The following SLC22A24 variants were observed in gnomAD, a reference collection of about 807,000 sequenced individuals.
SLC22A24 encodes the protein solute carrier family 22 member 24, also known as steroid transmembrane transporter SLC22A24.
Under a neutral mutation model 49.8 loss-of-function variants are expected in SLC22A24, and 53 were observed. The ratio of observed to expected loss-of-function variants is 1.06; its 90% confidence interval spans 0.85 to 1.34. The LOEUF is 1.34. Ranked by LOEUF, SLC22A24 falls within the 40% of genes most tolerant of loss-of-function variation. The probability of loss-of-function intolerance (pLI) is 0.00; values close to 1 mark genes in which losing one functional copy is unlikely to be tolerated. For synonymous variants in SLC22A24, 302 were observed against 256.4 expected (o/e 1.18, Z -1.70); for missense variants, 786 against 675.9 (o/e 1.16, Z -1.81).
intron 2 of SLC22A24, among the ~76,000 whole-genome samples, chr11:63,129,699 T>G (rs2087319659): frequency 6.6e-6 from 1 of 152,202 alleles, no homozygotes; most frequent in African/African-American, 2.4e-5. Context: ...TCACATCCCT[T>G]GTAAGTTGGA....
At chr11:63,095,941 G>C in intron 6 of SLC22A24, 50 bp downstream of exon 6, 7 of 1,289,192 alleles carry the variant, frequency 5.4e-6, no homozygotes, top group Non-Finnish European at 7.7e-6. Flanking sequence ...AGAAGAAACA[G>C]TTTTGTGTCT....
At chr11:63,118,792 C>T in intron 4 of SLC22A24, 120 bp downstream of exon 4, 2 of 1,016,610 alleles carry the variant, frequency 2.0e-6, no homozygotes, top group Non-Finnish European at 3.0e-6. Flanking sequence ...ACAATAGGTA[C>T]TATGGACATC....
At chr11:63,080,541 T>A (rs2086953255) in intron 9 of SLC22A24, among the ~76,000 whole-genome samples, 1 of 152,218 alleles carries the variant, frequency 6.6e-6, no homozygotes. Context: ...AGGCACTCAT[T>A]GAGCCAATGT....
intron 2 of SLC22A24, among the ~76,000 whole-genome samples, chr11:63,124,010 T>C (rs1046619791): frequency 3.3e-5 from 5 of 151,544 alleles, no homozygotes; most frequent in African/African-American, 1.2e-4. Flanking sequence ...CAGATAGGAG[T>C]CAAGGAAGAG....
At chr11:63,113,422 T>C (rs923955248) in intron 4 of SLC22A24, among the ~76,000 whole-genome samples, 19 of 151,806 alleles carry the variant, frequency 1.3e-4, no homozygotes, top group Non-Finnish European at 1.5e-5. Flanking sequence ...TAGTGCTTCC[T>C]TCAGGAGTTC....
rs548879501 is a variant in SLC22A24, at chr11:63,095,698, T to A, written c.1070+293A>T. 2.6e-5 allele frequency among the ~76,000 whole-genome samples: 4 copies of A among 152,188 alleles called. No individual in the cohort carries two copies. The East Asian group carries it at 5.8e-4, about 22-fold the overall frequency. ...CTTTAGTGAATAAAAAATTAGAAAA[T>A]CAAAAAATTAAACTATGTTTTATGG... On this transcript the variant is annotated intron_variant, in intron 6 of 9. Transcript: ENST00000612278.
intron 6 of SLC22A24, among the ~76,000 whole-genome samples, chr11:63,083,867 T>G (rs766519049): frequency 7.2e-5 from 11 of 152,202 alleles, no homozygotes; most frequent in Non-Finnish European, 8.8e-5. Context: ...ATTAGGGGAA[T>G]AGTTTCTTTG....
intron 4 of SLC22A24, chr11:63,116,328 G>T (rs2087212994): frequency 4.6e-6 from 1 of 216,398 alleles, no homozygotes; most frequent in South Asian, 1.3e-4. Flanking sequence ...ATGGTTCTTG[G>T]ACTTGGTTAT....
chr11:63,136,394 T>C (rs2087374883), intron 1 of SLC22A24, among the ~76,000 whole-genome samples: 1 of 152,184 alleles, frequency 6.6e-6, no homozygotes, highest in South Asian at 2.1e-4. Flanking sequence ...CAACTGGCAC[T>C]GGTCAATAAA....
At chr11:63,121,981 A>G (rs1355762956) in intron 2 of SLC22A24, among the ~76,000 whole-genome samples, 1 of 152,206 alleles carries the variant, frequency 6.6e-6, no homozygotes, top group Non-Finnish European at 1.5e-5. Flanking sequence ...AATAGAAACA[A>G]ATGGGGTAGA....
intron 1 of SLC22A24, among the ~76,000 whole-genome samples, chr11:63,135,474 C>T (rs896496059): frequency 1.1e-4 from 16 of 152,146 alleles, no homozygotes; most frequent in African/African-American, 3.9e-4. Flanking sequence ...GATTAAATGA[C>T]ATAGTAACAG....
intron 4 of SLC22A24, among the ~76,000 whole-genome samples, chr11:63,112,643 T>A (rs1210910195): frequency 6.6e-6 from 1 of 152,148 alleles, no homozygotes; most frequent in Non-Finnish European, 1.5e-5. Context: ...AGTTATTTCT[T>A]GCCTTCTGCT....
At chr11:63,126,400 A>G (rs895983217) in intron 2 of SLC22A24, among the ~76,000 whole-genome samples, 2 of 152,170 alleles carry the variant, frequency 1.3e-5, no homozygotes, top group African/African-American at 4.8e-5. Context: ...TCCCAATACC[A>G]TTCATTAAAT....
chr11:63,125,239 T>C (rs1162800003), intron 2 of SLC22A24, among the ~76,000 whole-genome samples: 1 of 152,158 alleles, frequency 6.6e-6, no homozygotes, highest in Non-Finnish European at 1.5e-5. Context: ...ACAAGTGCCA[T>C]GGTGGTTTGC....
intron 2 of SLC22A24, among the ~76,000 whole-genome samples, chr11:63,128,668 C>T (rs1253326433): frequency 6.6e-6 from 1 of 150,394 alleles, no homozygotes; most frequent in Non-Finnish European, 1.5e-5. Context: ...ACTGTCTCCT[C>T]TCTCTCTCTC....
chr11:63,131,510 A>G (rs1350394087), intron 2 of SLC22A24, among the ~76,000 whole-genome samples: 1 of 152,160 alleles, frequency 6.6e-6, no homozygotes, highest in Admixed American at 6.5e-5. Flanking sequence ...TTGTCTTTAA[A>G]GGATTTTTAT....
chr11:63,099,332 G>A (rs1261025050), intron 5 of SLC22A24, among the ~76,000 whole-genome samples: 2 of 145,080 alleles, frequency 1.4e-5, no homozygotes, highest in Non-Finnish European at 3.0e-5. Context: ...GAGCAGCTGG[G>A]ACCACAGTCT....
chr11:63,100,311 C>T (rs1187723388), intron 5 of SLC22A24, among the ~76,000 whole-genome samples: 1 of 151,914 alleles, frequency 6.6e-6, no homozygotes, highest in Non-Finnish European at 1.5e-5. Context: ...TAAAGTAATA[C>T]CATTTGTAAT....
Position 63,088,518 on chromosome 11 carries a change from C to T in SLC22A24, c.1071-5061G>A, listed in dbSNP as rs183675909. On this transcript the variant is annotated intron_variant, in intron 6 of 9. Coordinates refer to ENST00000612278, the MANE Select transcript of SLC22A24 (RefSeq NM_001136506.2). ...CTGAAAATTGCAAAAACCAGAATGC[C>T]TCTTCTCTCCAATGATCCCAACTCC... Among the ~76,000 whole-genome samples the T allele has an allele frequency of 2.0e-5, 3 of 152,212 alleles. No homozygotes were observed. The East Asian group carries it at 5.8e-4, about 29-fold the overall frequency.
Sources: gnomAD v4.1 joint callset for allele counts (sites outside exome capture counted in the v4.1 genomes callset) on GRCh38, gnomAD v4.1.1 for gene constraint, MANE v1.5 for transcripts, NCBI Gene and HGNC (gene_info 2026-07-23, HGNC 2026-07-21) for gene names.